Variants in IL1RAPL1 observed in about 807,000 individuals in gnomAD.
IL1RAPL1 encodes interleukin 1 receptor accessory protein like 1.
In IL1RAPL1, 3 loss-of-function variants were observed where a neutral mutation model predicts 48.4. That is an observed-to-expected ratio of 0.06 (90% CI 0.03 to 0.16). The LOEUF (loss-of-function observed/expected upper bound fraction) is 0.16, where lower values mean the gene tolerates loss of function less well. Among genes scored for constraint, IL1RAPL1 ranks in the 10% least tolerant of loss-of-function variants. The pLI, the probability that IL1RAPL1 is intolerant of heterozygous loss-of-function variation, is 1.00. For synonymous variants in IL1RAPL1, 185 were observed against 187.7 expected, an observed-to-expected ratio of 0.99 and a Z score of 0.12; for missense variants, 349 against 530.6, an observed-to-expected ratio of 0.66 and a Z score of 3.36.
chrX:29,317,237 C>A (rs1428733753), intron 3 of IL1RAPL1, among the ~76,000 whole-genome samples: 1 of 111,621 alleles, frequency 9.0e-6, no homozygotes, highest in African/African-American at 3.3e-5. Context: ...TTACTGGTAT[C>A]AAGAAAAATG....
intron 2 of IL1RAPL1, among the ~76,000 whole-genome samples, chrX:28,826,719 A>G (rs1050347493): frequency 3.6e-5 from 4 of 110,672 alleles, no homozygotes; most frequent in South Asian, 3.8e-4. Flanking sequence ...CATGAAGCCA[A>G]CTCTTTAGGG....
At chrX:29,693,172 CCT>C (rs1383909944) in intron 6 of IL1RAPL1, among the ~76,000 whole-genome samples, 3 of 111,491 alleles carry the variant, frequency 2.7e-5, no homozygotes, top group Admixed American at 1.9e-4. Context: ...TTTGACAGAC[CCT>C]CTTATTTCCT....
rs186101885 is a variant in IL1RAPL1, at chrX:29,041,998, G to A, written c.83-240940G>A. Among the ~76,000 whole-genome samples the A allele has an allele frequency of 6.4e-3, 718 of 111,612 alleles. 15 individuals are homozygous for A. The highest frequency in any genetic ancestry group is 0.061 in the Admixed American group (640 of 10,474). On this transcript the variant is annotated intron_variant, in intron 2 of 10. Coordinates refer to ENST00000378993, the MANE Select transcript of IL1RAPL1 (RefSeq NM_014271.4). ...GAGCCCGAGTTTACAATGTCTTCCTGGGACAGTATCAGAAATGAAACCTAA... is the reference window on the plus strand; with the variant it reads ...GAGCCCGAGTTTACAATGTCTTCCTAGGACAGTATCAGAAATGAAACCTAA...
intron 2 of IL1RAPL1, among the ~76,000 whole-genome samples, chrX:29,282,118 T>G (rs1023484637): frequency 1.8e-5 from 2 of 111,655 alleles, no homozygotes; most frequent in African/African-American, 3.3e-5. Flanking sequence ...CTCCACGTAC[T>G]GTCATATTGA....
At chrX:29,034,708 T>C (rs1203186965) in intron 2 of IL1RAPL1, among the ~76,000 whole-genome samples, 1 of 112,004 alleles carries the variant, frequency 8.9e-6, no homozygotes, top group African/African-American at 3.2e-5. Context: ...TTAGAATCTT[T>C]CATTTCTGGA....
chrX:28,678,381 T>A (rs1017430621), intron 1 of IL1RAPL1, among the ~76,000 whole-genome samples: 7 of 111,278 alleles, frequency 6.3e-5, no homozygotes, highest in African/African-American at 2.3e-4. Context: ...AATTGGCCCC[T>A]GGAATTTTAA....
At chrX:29,898,422 C>G (rs917864692) in intron 6 of IL1RAPL1, among the ~76,000 whole-genome samples, 3 of 110,810 alleles carry the variant, frequency 2.7e-5, no homozygotes, top group African/African-American at 9.8e-5. Flanking sequence ...TGCCATCGAC[C>G]ATTAAATGTG....
intron 6 of IL1RAPL1, among the ~76,000 whole-genome samples, chrX:29,889,745 C>T (rs1025207785): frequency 2.7e-5 from 3 of 111,188 alleles, no homozygotes; most frequent in Non-Finnish European, 5.7e-5. Flanking sequence ...TAGTATTAGC[C>T]AAGAAACATA....
chrX:29,220,314 G>T (rs1930950939), intron 2 of IL1RAPL1, among the ~76,000 whole-genome samples: 1 of 112,219 alleles, frequency 8.9e-6, no homozygotes, highest in African/African-American at 3.2e-5. Context: ...TGAAGTAAAA[G>T]ATATTTACAT....
At chrX:28,662,037 G>T (rs921434937) in intron 1 of IL1RAPL1, among the ~76,000 whole-genome samples, 2 of 111,439 alleles carry the variant, frequency 1.8e-5, no homozygotes, top group Non-Finnish European at 3.8e-5. Context: ...CTGTTGAAGG[G>T]TGGGAGGCGC....
intron 8 of IL1RAPL1, among the ~76,000 whole-genome samples, chrX:29,936,518 AACACACACACACACACACACAC>A (rs55890071): frequency 1.1e-5 from 1 of 93,461 alleles, no homozygotes; most frequent in Non-Finnish European, 2.2e-5. Context: ...TATATATAGG[AACACACACACACACACACACAC>A]ACACACACAC....
intron 2 of IL1RAPL1, among the ~76,000 whole-genome samples, chrX:29,207,532 T>C (rs1930688188): frequency 8.9e-6 from 1 of 112,217 alleles, no homozygotes; most frequent in African/African-American, 3.2e-5. Flanking sequence ...TTGAGAATGC[T>C]CCTGAACAGT....
chrX:28,952,300 G>A (rs1429355326), intron 2 of IL1RAPL1, among the ~76,000 whole-genome samples: 1 of 110,894 alleles, frequency 9.0e-6, no homozygotes, highest in Non-Finnish European at 1.9e-5. Flanking sequence ...AGAATTTAAG[G>A]AAACCAGGTA....
At chrX:29,700,169 A>C (rs767178306) in intron 6 of IL1RAPL1, among the ~76,000 whole-genome samples, 6 of 111,960 alleles carry the variant, frequency 5.4e-5, no homozygotes, top group African/African-American at 1.9e-4. Flanking sequence ...TAAAGCCAAA[A>C]ATTTTTAATA....
intron 6 of IL1RAPL1, among the ~76,000 whole-genome samples, chrX:29,801,076 AAAAACTC>A (rs1929890264): frequency 1.1e-5 from 1 of 87,013 alleles, no homozygotes; most frequent in African/African-American, 5.6e-5. Flanking sequence ...AAAAAAAAAA[AAAAACTC>A]ATCTTTTAAT....
intron 6 of IL1RAPL1, among the ~76,000 whole-genome samples, chrX:29,916,036 G>A (rs1190093630): frequency 9.9e-6 from 1 of 100,991 alleles, no homozygotes; most frequent in Non-Finnish European, 2.0e-5. Flanking sequence ...TACTGAGAAT[G>A]ATGGTTTCCA....
At position 29,151,043 on chromosome X, in the gene IL1RAPL1, C is replaced by T. The variant is rs188765160; in HGVS notation, c.83-131895C>T. Among the ~76,000 whole-genome samples, 79 of 111,464 alleles carry T rather than the reference C, an allele frequency of 7.1e-4. No individual in the cohort carries two copies. The Middle Eastern group carries it at 0.014, about 20-fold the overall frequency. On this transcript the variant is annotated intron_variant, in intron 2 of 10. Coordinates refer to ENST00000378993, the MANE Select transcript of IL1RAPL1 (RefSeq NM_014271.4). ...GATTGATTCCAGGATTTCCTGGCTC[C>T]AAAGCCTAGGTTATCTCCATTGTAT... is the stretch of plus-strand genomic sequence containing the variant.
At chrX:29,836,767 T>C (rs1413864310) in intron 6 of IL1RAPL1, among the ~76,000 whole-genome samples, 1 of 111,387 alleles carries the variant, frequency 9.0e-6, no homozygotes, top group Non-Finnish European at 1.9e-5. Flanking sequence ...TGCACTATTG[T>C]TTAAGTTTTG....
At chrX:29,099,032 A>G (rs1413015414) in intron 2 of IL1RAPL1, among the ~76,000 whole-genome samples, 1 of 110,785 alleles carries the variant, frequency 9.0e-6, no homozygotes, top group Non-Finnish European at 1.9e-5. Flanking sequence ...GGCGCCTGTA[A>G]TCCCAGCTAC....
Sources: allele counts gnomAD v4.1 joint callset (sites outside exome capture counted in the v4.1 genomes callset), GRCh38; gene constraint gnomAD v4.1.1; transcripts MANE v1.5; gene names NCBI Gene and HGNC (gene_info 2026-07-23, HGNC 2026-07-21).